BAALC: variants seen among roughly 807,000 people sequenced by gnomAD.
BAALC encodes the protein BAALC binder of MAP3K1 and KLF4.
BAALC carries 9 observed loss-of-function variants against 15.5 expected under a neutral mutation model. The ratio of observed to expected loss-of-function variants is 0.58; its 90% CI spans 0.35 to 1.02. The LOEUF (loss-of-function observed/expected upper bound fraction) is 1.02. BAALC is among the 50% of genes least tolerant of loss of function. The pLI, the probability that BAALC is intolerant of heterozygous loss-of-function variation, is 0.02. For missense variants in BAALC, 201 were observed against 192.4 expected (o/e 1.04, Z -0.27); for synonymous variants, 80 against 74.6 (o/e 1.07, Z -0.37).
chr8:103,228,322 T>C lies in BAALC; in HGVS notation c.*223T>C. ...TGTATTGGCACAGTGCTTACATATG[T>C]TAATAAACTGCAAATGTGCAGTTCA... On this transcript the variant is annotated 3_prime_UTR_variant, in exon 3 of 3. Transcript: ENST00000309982. 2.2e-6 allele frequency: 1 copy of C among 463,018 alleles called. No individual in the cohort carries two copies. Among genetic ancestry groups the C allele is most frequent in the African/African-American group, 2.0e-5 (1 of 50,670 alleles). The allele number at this position is 463,018 out of a possible 1,614,324, so 28.7% of individuals were successfully genotyped here.
intron 1 of BAALC, among the ~76,000 whole-genome samples, chr8:103,206,862 G>C (rs1041189215): frequency 6.6e-6 from 1 of 152,118 alleles, no homozygotes; most frequent in Non-Finnish European, 1.5e-5. Context: ...TGATCCTATG[G>C]GTCACTTTGG....
chr8:103,140,871 C>T lies in BAALC; in HGVS notation c.-27C>T. 6.8e-7 allele frequency: 1 copy of T among 1,481,232 alleles called. No homozygotes were observed. The highest frequency in any genetic ancestry group is 9.0e-7 in the Non-Finnish European group (1 of 1,115,702). The allele number at this position is 1,481,232 out of a possible 1,614,324, so 91.8% of individuals were successfully genotyped here. A position where few individuals can be genotyped will look rare whatever the true frequency, so the allele number is the denominator to read the frequency against. On this transcript the variant is annotated 5_prime_UTR_variant, in exon 1 of 3. Transcript: ENST00000309982. The surrounding 1 kb of genome is among the most constrained non-coding windows in gnomAD (Gnocchi z 4.2). ...CCGCCAGAGCCGACAGCCGAGCAGC[C>T]GCTGGGCGCTCCCGCGGCGCAGGAG...
At chr8:103,152,110 T>C (rs1810999452) in intron 1 of BAALC, among the ~76,000 whole-genome samples, 1 of 152,158 alleles carries the variant, frequency 6.6e-6, no homozygotes, top group Non-Finnish European at 1.5e-5. Flanking sequence ...TAAAAACATA[T>C]GTCAGGTCCT....
intron 1 of BAALC, among the ~76,000 whole-genome samples, chr8:103,198,600 T>C (rs1160566268): frequency 1.3e-5 from 2 of 152,136 alleles, no homozygotes; most frequent in African/African-American, 4.8e-5. Context: ...AGATATAATA[T>C]AGTTTTTTAA....
intron 2 of BAALC, among the ~76,000 whole-genome samples, chr8:103,221,778 A>G (rs1812682576): frequency 6.6e-6 from 1 of 152,132 alleles, no homozygotes; most frequent in African/African-American, 2.4e-5. Context: ...GGTTTTTGAG[A>G]TGTAACTAGA....
At position 103,229,255 on chromosome 8, in the gene BAALC, C is replaced by A. The variant is rs1812871058; in HGVS notation, c.*1156C>A. The A allele has an allele frequency of 6.6e-6, 1 of 152,142 alleles. No homozygotes were observed. The highest frequency in any genetic ancestry group is 1.5e-5 in the Non-Finnish European group (1 of 68,028). 9.4% of individuals were successfully genotyped at this position (152,142 alleles called of 1,614,324 possible). The stretch of plus-strand genomic sequence containing the variant: ...AGTATTTTCCTCCAAAGTAATGTAG[C>A]ATGATTTTTCAAGGATTGTTAACAT... On this transcript the variant is annotated 3_prime_UTR_variant, in exon 3 of 3. Coordinates refer to ENST00000309982, the MANE Select transcript of BAALC (RefSeq NM_024812.3).
At chr8:103,212,233 C>A (rs919741335) in intron 1 of BAALC, among the ~76,000 whole-genome samples, 1 of 152,058 alleles carries the variant, frequency 6.6e-6, no homozygotes, top group Admixed American at 6.6e-5. Context: ...TTGCTCAAGG[C>A]CAGGAGTTCA....
chr8:103,181,038 G>A lies in BAALC; in HGVS notation c.161-31881G>A, dbSNP rs766460110. 4.7e-4 allele frequency among the ~76,000 whole-genome samples: 71 copies of A among 152,068 alleles called. 1 individual carries two copies. The highest frequency in any genetic ancestry group is 2.9e-4 in the African/African-American group (12 of 41,374). On this transcript the variant is annotated intron_variant, in intron 1 of 2. Coordinates refer to ENST00000309982, the MANE Select transcript of BAALC (RefSeq NM_024812.3). ...ATATAAGATGTAGAGTTTAGGTTTC[G>A]TGATGAGGTTTTGAGGCCTTTCAGA...
intron 2 of BAALC, 81 bp downstream of exon 2, chr8:103,213,166 A>C: frequency 3.4e-6 from 5 of 1,475,908 alleles, no homozygotes; most frequent in East Asian, 4.6e-5. Flanking sequence ...CCCAGCCGCT[A>C]TGTCCAGGGA....
intron 1 of BAALC, among the ~76,000 whole-genome samples, chr8:103,146,566 G>A (rs902489772): frequency 6.6e-6 from 1 of 152,114 alleles, no homozygotes; most frequent in Non-Finnish European, 1.5e-5. Flanking sequence ...ACGCTGTTCT[G>A]GCTACATCAG....
intron 1 of BAALC, among the ~76,000 whole-genome samples, chr8:103,164,882 G>T (rs1374821274): frequency 6.6e-6 from 1 of 152,220 alleles, no homozygotes; most frequent in Non-Finnish European, 1.5e-5. Context: ...CCCTTCCCCA[G>T]ATGAGTGTTT....
At chr8:103,142,151 G>C (rs1057314871) in intron 1 of BAALC, among the ~76,000 whole-genome samples, 1 of 152,206 alleles carries the variant, frequency 6.6e-6, no homozygotes, top group Non-Finnish European at 1.5e-5. Context: ...ATAACATATG[G>C]AAGAGGAAGG....
intron 1 of BAALC, among the ~76,000 whole-genome samples, chr8:103,205,174 A>G (rs1812300679): frequency 6.6e-6 from 1 of 152,132 alleles, no homozygotes; most frequent in Non-Finnish European, 1.5e-5. Flanking sequence ...AGGAGAAATT[A>G]CCCCTTGACC....
In BAALC at chr8:103,162,729, G is replaced by A. The variant is rs147593940; in HGVS notation, c.160+21672G>A. 9.7e-4 allele frequency among the ~76,000 whole-genome samples: 141 copies of A among 145,704 alleles called. 4 individuals carry two copies. The East Asian group carries it at 0.028, about 29-fold the overall frequency. On this transcript the variant is annotated intron_variant, in intron 1 of 2. Coordinates refer to ENST00000309982, the MANE Select transcript of BAALC (RefSeq NM_024812.3). ...GACTCCACTTCTTAATGGAGGAATG[G>A]CAAGTTTCTAGAAAAGCATGGTAGT...
intron 1 of BAALC, chr8:103,191,274 T>C (rs965359135): frequency 1.3e-5 from 2 of 152,068 alleles, no homozygotes; most frequent in African/African-American, 4.8e-5. Context: ...AACCACTTCT[T>C]AGGCTGACCA....
chr8:103,176,709 T>C (rs1157475928), intron 1 of BAALC, among the ~76,000 whole-genome samples: 3 of 152,212 alleles, frequency 2.0e-5, no homozygotes. Flanking sequence ...GGGAGGGACC[T>C]GCATGAAGGG....
At chr8:103,223,763 G>T (rs1812735574) in intron 2 of BAALC, among the ~76,000 whole-genome samples, 1 of 152,124 alleles carries the variant, frequency 6.6e-6, no homozygotes, top group South Asian at 2.1e-4. Flanking sequence ...AAAGAGCTTT[G>T]TATCATCTGT....
chr8:103,197,042 T>C (rs1812113234), intron 1 of BAALC, among the ~76,000 whole-genome samples: 1 of 152,236 alleles, frequency 6.6e-6, no homozygotes, highest in South Asian at 2.1e-4. Context: ...GGATTTTAGA[T>C]ATGCTTCACC....
At chr8:103,174,674 T>G (rs751420050) in intron 1 of BAALC, among the ~76,000 whole-genome samples, 1 of 152,232 alleles carries the variant, frequency 6.6e-6, no homozygotes, top group Non-Finnish European at 1.5e-5. Context: ...GAAGGCACCT[T>G]GGCCATGCTT....
Sources: gnomAD v4.1 joint callset for allele counts (sites outside exome capture counted in the v4.1 genomes callset) on GRCh38, gnomAD v4.1.1 for gene constraint, Gnocchi (gnomAD v3.1) non-coding constraint, MANE v1.5 for transcripts, NCBI Gene and HGNC (gene_info 2026-07-23, HGNC 2026-07-21) for gene names.